Variants in PSG7 observed in about 807,000 individuals in gnomAD.
PSG7 encodes pregnancy specific beta-1-glycoprotein 7.
Under a neutral mutation model 45.6 loss-of-function variants are expected in PSG7, and 57 were observed. The ratio of observed to expected loss-of-function variants is 1.25; its 90% CI spans 1.01 to 1.56. The LOEUF (loss-of-function observed/expected upper bound fraction) is 1.56, where lower values mean the gene tolerates loss of function less well. PSG7 is among the 40% of genes most tolerant of loss of function. The pLI is 0.00. For synonymous variants in PSG7, 298 were observed against 194.4 expected, an observed-to-expected ratio of 1.53 and a Z score of -4.43; for missense variants, 796 against 508.4, an observed-to-expected ratio of 1.57 and a Z score of -5.44.
At chr19:42,928,430 C>T (rs1238226030) in intron 3 of PSG7, among the ~76,000 whole-genome samples, 1 of 151,470 alleles carries the variant, frequency 6.6e-6, no homozygotes, top group African/African-American at 2.4e-5. Flanking sequence ...AAATGTGTTT[C>T]CATATATTGA....
chr19:42,930,267 G>A (rs1301296541), intron 2 of PSG7, among the ~76,000 whole-genome samples: 1 of 151,642 alleles, frequency 6.6e-6, no homozygotes, highest in Admixed American at 6.6e-5. Flanking sequence ...GTCAAGCCTG[G>A]AGGTCAGTTC....
chr19:42,927,000 C>G (rs1418662490), intron 3 of PSG7: 4 of 519,480 alleles, frequency 7.7e-6, no homozygotes, highest in Non-Finnish European at 1.3e-5. Context: ...CGCCTGGTAC[C>G]CCTCCCAGTC....
intron 2 of PSG7, among the ~76,000 whole-genome samples, chr19:42,930,068 T>A (rs1053732243): frequency 6.6e-6 from 1 of 151,642 alleles, no homozygotes; most frequent in Non-Finnish European, 1.5e-5. Flanking sequence ...CTTGGAGCAT[T>A]CAGTGCTGGA....
At chr19:42,925,742 C>T (rs375410668) in intron 5 of PSG7, 31 bp downstream of exon 5, 69 of 1,611,274 alleles carry the variant, frequency 4.3e-5, no homozygotes, top group Non-Finnish European at 5.5e-5. Flanking sequence ...CACCTAAAAC[C>T]CTATTGCCAA....
rs1043209055 is a variant in PSG7 at position 42,925,661 on chromosome 19, C to G, written c.1243+112G>C. 77 of 1,579,902 alleles carry G rather than the reference C, an allele frequency of 4.9e-5. 1 individual carries two copies. Among genetic ancestry groups the G allele is most frequent in the Non-Finnish European group, 6.4e-5 (75 of 1,163,396 alleles). On this transcript the variant is annotated intron_variant, in intron 5 of 5. Transcript: ENST00000406070. ...GTTCAGGAGGAAAATTTGGGATTTG[C>G]TTGTGCCCATGGGACACAGGCTGGG...
chr19:42,936,885 G>C (rs142530951), intron 1 of PSG7, 128 bp downstream of exon 1: 46 of 1,395,134 alleles, frequency 3.3e-5, no homozygotes, highest in East Asian at 1.7e-4. Context: ...CTGATCTCTT[G>C]ATCCACCCAC....
At chr19:42,932,320 C>T (rs1973039177) in intron 2 of PSG7, among the ~76,000 whole-genome samples, 1 of 151,522 alleles carries the variant, frequency 6.6e-6, no homozygotes, top group Non-Finnish European at 1.5e-5. Flanking sequence ...GCCCAGCCAT[C>T]TCTGAGGGAT....
At chr19:42,925,410 C>A in intron 5 of PSG7, 1 of 453,166 alleles carries the variant, frequency 2.2e-6, no homozygotes. Flanking sequence ...TTTATTGAAC[C>A]ACTATAAGCT....
chr19:42,929,637 C>T lies in PSG7; in HGVS notation c.514G>A (p.Glu172Lys), dbSNP rs573713566. Reference sequence around the variant, plus strand: ...CACAGGTAGCTTGCATCTGGAGTCTCAGGATCACAGGTTAAAATCACAGCC... The same window carrying T: ...CACAGGTAGCTTGCATCTGGAGTCTTAGGATCACAGGTTAAAATCACAGCC... ...TEAVILTCDP[E>K]TPDASYLWWM... The change falls in exon 3 of 6, where the codon GAG (glutamate) becomes AAG (lysine). Residue 172 changes from glutamate (E) to lysine (K), a missense_variant. By Grantham distance (56) the Glu-to-Lys change is moderately conservative. Transcript: ENST00000406070. The T allele has an allele frequency of 6.2e-6, 10 of 1,612,550 alleles. 1 individual carries two copies. In the African/African-American group the frequency reaches 9.4e-5, roughly 15 times the overall value.
rs775866585 is a variant in PSG7 at position 42,925,975 on chromosome 19, T to C, written c.1041A>G (p.Gly347=). The C allele has an allele frequency of 1.6e-5, 25 of 1,612,056 alleles. No individual in the cohort carries two copies. The highest frequency in any genetic ancestry group is 2.0e-5 in the Non-Finnish European group (23 of 1,179,146). ...CAAAGCAGGACAAGTAGAGGTTTTG[T>C]CCTGAATGGTAATAGGTGAATGAAG... The part of the protein sequence containing the change: ...IYPSFTYYHS[G]QNLYLSCFAD... The change falls in exon 5 of 6, where the codon GGA becomes GGG. Residue 347 remains glycine (G), a synonymous_variant. Transcript: ENST00000406070.
chr19:42,932,589 C>G (rs1176252765), intron 2 of PSG7, among the ~76,000 whole-genome samples: 1 of 151,454 alleles, frequency 6.6e-6, no homozygotes, highest in African/African-American at 2.4e-5. Context: ...ACAGTGACAG[C>G]AAACTAGCGT....
chr19:42,925,913 A>G lies in PSG7; in HGVS notation c.1103T>C (p.Ile368Thr). ...TCCTGATAGCTGAAACTTCCCATTA[A>G]TTGTCCAAGAATACTGTGCCGGTGG... is the stretch of plus-strand genomic sequence containing the variant. The part of the protein sequence containing the change: ...SNPPAQYSWT[I>T]NGKFQLSGQK... The change falls in exon 5 of 6, where the codon ATT becomes ACT. Residue 368 changes from isoleucine to threonine, a missense_variant. By Grantham distance (89) the Ile-to-Thr change is moderately conservative. Transcript: ENST00000406070. 1 of 1,612,188 alleles carries G rather than the reference A, an allele frequency of 6.2e-7. No homozygotes were observed. Among genetic ancestry groups the G allele is most frequent in the Non-Finnish European group, 8.5e-7 (1 of 1,179,166 alleles).
At chr19:42,926,381 G>C (rs549052058) in intron 4 of PSG7, 57 bp downstream of exon 4, 1 of 1,600,056 alleles carries the variant, frequency 6.2e-7, no homozygotes, top group Admixed American at 1.7e-5. Flanking sequence ...CTGGTCGTTT[G>C]GAGTTAAGCT....
chr19:42,933,160 C>G (rs7248702), intron 2 of PSG7, among the ~76,000 whole-genome samples: 3,750 of 146,498 alleles, frequency 0.026, 216 homozygotes, highest in African/African-American at 0.088. Flanking sequence ...AAATCTCTAA[C>G]CCCTGATCCA....
intron 2 of PSG7, among the ~76,000 whole-genome samples, chr19:42,933,389 T>C (rs1461992971): frequency 7.2e-6 from 1 of 139,828 alleles, no homozygotes; most frequent in Non-Finnish European, 1.5e-5. Context: ...ATGGAGGAAC[T>C]GCCTATCCCT....
rs865892221 is a variant in PSG7 at position 42,932,983 on chromosome 19, G to A, written c.430+2421C>T. ...CTCATTCTTTTGCATTCTGGCAACC[G>A]GCTGACCTCATCTATACCTATGACT... On this transcript the variant is annotated intron_variant, in intron 2 of 5. Coordinates refer to ENST00000406070, the MANE Select transcript of PSG7 (RefSeq NM_002783.3). Among the ~76,000 whole-genome samples the A allele has an allele frequency of 1.5e-4, 23 of 150,414 alleles. 1 individual carries two copies. Among genetic ancestry groups the A allele is most frequent in the Middle Eastern group, 3.4e-3 (1 of 292 alleles).
At position 42,934,385 on chromosome 19, in the gene PSG7, TGGA is replaced by T. The variant is rs1410261564; in HGVS notation, c.430+1016_430+1018del. 2.0e-3 allele frequency among the ~76,000 whole-genome samples: 303 copies of T among 151,424 alleles called. 9 individuals carry two copies. The highest frequency in any genetic ancestry group is 6.8e-3 in the African/African-American group (282 of 41,228). Reference sequence around the variant, plus strand: ...GAACCCAGTAAGCCCTCACTTCTGGTGGAGGAGAGGATGGGCCTGTGGCTGCAG... The same window carrying T: ...GAACCCAGTAAGCCCTCACTTCTGGTGGAGAGGATGGGCCTGTGGCTGCAG... On this transcript the variant is annotated intron_variant, in intron 2 of 5. Transcript: ENST00000406070.
At chr19:42,927,105 C>T (rs575044513) in intron 3 of PSG7, 1 of 265,432 alleles carries the variant, frequency 3.8e-6, no homozygotes, top group Admixed American at 4.8e-5. Context: ...TACTTTGCCC[C>T]CCTAGATGTG....
In PSG7 at chr19:42,924,344, A is replaced by G. The variant is rs1972479646; in HGVS notation, c.*464T>C. The G allele has an allele frequency of 4.9e-6, 2 of 409,498 alleles. No homozygotes were observed. Among genetic ancestry groups the G allele is most frequent in the South Asian group, 9.8e-5 (1 of 10,170 alleles). 25.4% of individuals were successfully genotyped at this position (409,498 alleles called of 1,614,324 possible). A position where few individuals can be genotyped will look rare whatever the true frequency, so the allele number is the denominator to read the frequency against. On this transcript the variant is annotated 3_prime_UTR_variant, in exon 6 of 6. Transcript: ENST00000406070. ...TGTTCATTTCTATTGGGAGCCCTGT[A>G]TGCAAGATGGAGAGAGCCACATTTC...
Sources: allele counts gnomAD v4.1 joint callset (sites outside exome capture counted in the v4.1 genomes callset), GRCh38; gene constraint gnomAD v4.1.1; transcripts MANE v1.5; gene names NCBI Gene and HGNC (gene_info 2026-07-23, HGNC 2026-07-21).